Variants in TLN2 observed in about 807,000 individuals in gnomAD.
The protein encoded by TLN2 is talin 2.
A neutral mutation model predicts 294.7 loss-of-function variants in TLN2; 118 were observed. The ratio of observed to expected loss-of-function variants is 0.40; its 90% confidence interval spans 0.34 to 0.47. The LOEUF is 0.47. Among genes scored for constraint, TLN2 ranks in the 20% least tolerant of loss-of-function variants. TLN2 has a pLI of 0.84. For synonymous variants in TLN2, 1,431 were observed against 1,304.5 expected (o/e 1.10, Z -2.09); for missense variants, 3,083 against 3,282.2 (o/e 0.94, Z 1.48).
At position 62,763,564 on chromosome 15, in the gene TLN2, G is replaced by A. The variant is rs900107754; in HGVS notation, c.4963G>A (p.Asp1655Asn). ...SIKSLITSIR[D>N]KAPGQRECDY... is the part of the protein sequence containing the mutation. ...TCCAACTTGCACTATTCCTTCCAGG[G>A]ACAAGGCCCCTGGACAGAGGGAGTG... is the stretch of plus-strand genomic sequence containing the variant. The change falls in exon 40 of 59, where the codon GAC (aspartate) becomes AAC (asparagine). Residue 1655 changes from aspartate (D) to asparagine (N), a missense_variant and splice_region_variant. Physicochemically the swap from Asp to Asn is conservative, Grantham distance 23. Transcript: ENST00000636159. 1.2e-6 allele frequency: 2 copies of A among 1,606,440 alleles called. No homozygotes were observed. Among genetic ancestry groups the A allele is most frequent in the African/African-American group, 1.3e-5 (1 of 74,760 alleles).
At chr15:62,473,837 T>A (rs1177844428) in intron 1 of TLN2, among the ~76,000 whole-genome samples, 2 of 152,194 alleles carry the variant, frequency 1.3e-5, no homozygotes, top group African/African-American at 4.8e-5. Flanking sequence ...CTCACGCCTG[T>A]AATCCCAGCA....
At chr15:62,655,580 T>C (rs2053115124) in intron 7 of TLN2, among the ~76,000 whole-genome samples, 2 of 11,716 alleles carry the variant, frequency 1.7e-4, no homozygotes, top group Non-Finnish European at 4.5e-3. Flanking sequence ...TATACATTCA[T>C]TGTAGCACAT....
intron 1 of TLN2, among the ~76,000 whole-genome samples, chr15:62,469,084 G>A (rs943423576): frequency 2.0e-4 from 30 of 152,188 alleles, no homozygotes; most frequent in African/African-American, 7.2e-4. Context: ...GTTTTTCTTT[G>A]TCTTTTCTTG....
chr15:62,465,341 G>C (rs2037067889), intron 1 of TLN2, among the ~76,000 whole-genome samples: 2 of 152,148 alleles, frequency 1.3e-5, no homozygotes, highest in Admixed American at 1.3e-4. Context: ...TGGGATTCCT[G>C]TGCGGTGCGG....
intron 50 of TLN2, among the ~76,000 whole-genome samples, chr15:62,803,744 G>T (rs182881455): frequency 3.2e-4 from 49 of 152,282 alleles, no homozygotes; most frequent in Admixed American, 3.1e-3. Flanking sequence ...CCTCAGCACA[G>T]CTCTTTTGAA....
intron 1 of TLN2, among the ~76,000 whole-genome samples, chr15:62,413,555 A>G (rs1308621990): frequency 2.0e-5 from 3 of 152,240 alleles, no homozygotes; most frequent in Non-Finnish European, 2.9e-5. Context: ...CCTACGGAAC[A>G]CAGAACAGGG....
intron 1 of TLN2, among the ~76,000 whole-genome samples, chr15:62,470,397 C>T (rs974868642): frequency 1.1e-4 from 16 of 152,228 alleles, no homozygotes; most frequent in Non-Finnish European, 2.2e-4. Context: ...CATCCAATGG[C>T]GAGTTCCCTT....
chr15:62,427,448 G>GC (rs2034775835), intron 1 of TLN2, among the ~76,000 whole-genome samples: 2 of 152,230 alleles, frequency 1.3e-5, no homozygotes, highest in South Asian at 2.1e-4. Context: ...CTTGGAGTGA[G>GC]CCCCCCAAGT....
intron 1 of TLN2, among the ~76,000 whole-genome samples, chr15:62,514,946 T>C (rs2040113091): frequency 6.6e-6 from 1 of 152,054 alleles, no homozygotes; most frequent in South Asian, 2.1e-4. Flanking sequence ...AGAGCGGAAA[T>C]GTAAGTCTGG....
Position 62,697,735 on chromosome 15 carries a change from A to G in TLN2, c.1340A>G (p.His447Arg). The G allele has an allele frequency of 6.2e-7, 1 of 1,610,286 alleles. No homozygotes were observed. The highest frequency in any genetic ancestry group is 8.5e-7 in the Non-Finnish European group (1 of 1,177,288). The change falls in exon 15 of 59, where the codon CAC (histidine) becomes CGC (arginine). Residue 447 changes from histidine to arginine, a missense_variant. By Grantham distance (29) the His-to-Arg change is conservative (BLOSUM62 0). Coordinates refer to ENST00000636159, the MANE Select transcript of TLN2 (RefSeq NM_015059.3). ...TTCAACCGGACCGGGAAGGCAGAGC[A>G]CGGCTCAGTGGCGCTGCCGGCCGTG... ...QQFNRTGKAE[H>R]GSVALPAVMR...
At chr15:62,738,106 T>A in intron 29 of TLN2, 108 bp from the exon 30 acceptor site, 1 of 1,278,776 alleles carries the variant, frequency 7.8e-7, no homozygotes. Flanking sequence ...TGGATGCTGG[T>A]GGGTCATTTC....
intron 2 of TLN2, among the ~76,000 whole-genome samples, chr15:62,607,966 A>G (rs1339176392): frequency 6.6e-6 from 1 of 152,166 alleles, no homozygotes; most frequent in African/African-American, 2.4e-5. Context: ...TTGAGCTGCC[A>G]ATTATTTTAT....
intron 3 of TLN2, among the ~76,000 whole-genome samples, chr15:62,624,526 C>A (rs2049103843): frequency 6.6e-6 from 1 of 152,144 alleles, no homozygotes. Context: ...TCATTGTTGA[C>A]ATTGAAAGGC....
At chr15:62,559,843 C>G (rs551873346) in intron 1 of TLN2, among the ~76,000 whole-genome samples, 7 of 152,162 alleles carry the variant, frequency 4.6e-5, no homozygotes, top group Non-Finnish European at 1.0e-4. Flanking sequence ...ATCTTATTAT[C>G]CAGATGAACT....
intron 54 of TLN2, chr15:62,829,185 A>C (rs1356595490): frequency 1.3e-5 from 2 of 148,758 alleles, no homozygotes; most frequent in African/African-American, 4.9e-5. Context: ...ATATATATAT[A>C]ATACATGAGA....
chr15:62,840,871 G>A lies in TLN2; in HGVS notation c.*261G>A, dbSNP rs764600018. The A allele has an allele frequency of 3.7e-5, 16 of 427,692 alleles. No homozygotes were observed. The highest frequency in any genetic ancestry group is 9.9e-5 in the African/African-American group (5 of 50,520). The allele number at this position is 427,692 out of a possible 1,614,324, so 26.5% of individuals were successfully genotyped here. ...CGTGTCTCAGGAGAGAGGGGTGCAC[G>A]TTTCATGGACTGTTACCAACAAAGA... On this transcript the variant is annotated 3_prime_UTR_variant, in exon 59 of 59. Transcript: ENST00000636159.
At chr15:62,707,571 A>G (rs903482345) in intron 20 of TLN2, among the ~76,000 whole-genome samples, 14 of 152,230 alleles carry the variant, frequency 9.2e-5, no homozygotes, top group Non-Finnish European at 1.6e-4. Flanking sequence ...TGCGTGGTAC[A>G]GCATTACAAA....
intron 1 of TLN2, among the ~76,000 whole-genome samples, chr15:62,396,840 G>C (rs953593921): frequency 2.6e-5 from 4 of 152,110 alleles, no homozygotes; most frequent in Admixed American, 6.5e-5. Context: ...AAGTAGCTGG[G>C]ATTAAGGGCA....
At chr15:62,465,103 CGTT>C (rs751882192) in intron 1 of TLN2, among the ~76,000 whole-genome samples, 8 of 82,592 alleles carry the variant, frequency 9.7e-5, no homozygotes, top group African/African-American at 3.4e-4. Context: ...GTGGTGAGCG[CGTT>C]TTTTTTTTTT....
Sources: gnomAD v4.1 joint callset for allele counts (sites outside exome capture counted in the v4.1 genomes callset) on GRCh38, gnomAD v4.1.1 for gene constraint, MANE v1.5 for transcripts, NCBI Gene and HGNC (gene_info 2026-07-23, HGNC 2026-07-21) for gene names.